The following NAV2 variants were observed in gnomAD, a reference collection of about 807,000 sequenced individuals.
NAV2 encodes the protein neuron navigator 2, also known as helicase, APC down-regulated 1.
In NAV2, 54 loss-of-function variants were observed where a neutral mutation model predicts 223.2. That is an observed-to-expected ratio of 0.24 (90% CI 0.19 to 0.30). The LOEUF (loss-of-function observed/expected upper bound fraction) is 0.30. Among genes scored for constraint, NAV2 ranks in the 10% least tolerant of loss-of-function variants. NAV2 has a pLI of 1.00. For synonymous variants in NAV2, 1,279 were observed against 1,239.3 expected (o/e 1.03, Z -0.67); for missense variants, 2,806 against 3,147.5 (o/e 0.89, Z 2.60).
chr11:19,932,318 C>G (rs2045448454), intron 6 of NAV2, among the ~76,000 whole-genome samples: 1 of 141,432 alleles, frequency 7.1e-6, no homozygotes, highest in Admixed American at 7.1e-5. Context: ...ATGTTTGCAA[C>G]GTGTTTTGGT....
At chr11:19,810,948 A>G (rs1256832989) in intron 1 of NAV2, among the ~76,000 whole-genome samples, 6 of 151,896 alleles carry the variant, frequency 4.0e-5, no homozygotes, top group Non-Finnish European at 5.9e-5. Flanking sequence ...ATATCTGTCA[A>G]CTCCCTCAAG....
intron 19 of NAV2, 135 bp downstream of exon 19, chr11:20,056,092 C>T: frequency 1.3e-6 from 1 of 770,878 alleles, no homozygotes; most frequent in East Asian, 2.7e-5. Flanking sequence ...CCTCTCCCAC[C>T]TACTCTGGGG....
chr11:19,887,368 G>T (rs1026335990), intron 5 of NAV2, among the ~76,000 whole-genome samples: 6 of 151,962 alleles, frequency 3.9e-5, no homozygotes, highest in African/African-American at 1.2e-4. Context: ...TATTTTACCT[G>T]CAGGAAGCAG....
chr11:19,888,661 C>T (rs1219652051), intron 5 of NAV2, among the ~76,000 whole-genome samples: 1 of 152,102 alleles, frequency 6.6e-6, no homozygotes, highest in Admixed American at 6.5e-5. Context: ...CAAAGTCTTC[C>T]CTTCCCTGCC....
At chr11:20,056,502 A>ATTTT in intron 19 of NAV2, 1 of 1,521,494 alleles carries the variant, frequency 6.6e-7, no homozygotes, top group Non-Finnish European at 9.1e-7. Context: ...TTGGGGTTGG[A>ATTTT]TTTTTATGTT....
At chr11:19,568,906 T>A (rs1230102418) in intron 1 of NAV2, among the ~76,000 whole-genome samples, 1 of 152,130 alleles carries the variant, frequency 6.6e-6, no homozygotes, top group East Asian at 1.9e-4. Context: ...CTGCCCTGGG[T>A]CTCCTACGCA....
At chr11:19,521,502 T>A (rs1269540552) in intron 1 of NAV2, among the ~76,000 whole-genome samples, 1 of 152,174 alleles carries the variant, frequency 6.6e-6, no homozygotes, top group East Asian at 1.9e-4. Flanking sequence ...CAATAAAGGA[T>A]CCAGTTATCG....
At chr11:20,103,789 C>A in intron 34 of NAV2, 65 bp downstream of exon 34, 4 of 1,430,742 alleles carry the variant, frequency 2.8e-6, no homozygotes, top group South Asian at 2.3e-5. Flanking sequence ...CAAGAAGGGG[C>A]GGGTAGAGAT....
rs1209902577 is a variant in NAV2, at chr11:20,071,895, G to A, written c.4983+3497G>A. ...AAAATTTTCTTCAATGTTGTAGGTT[G>A]CCTGTTCACTCTGATGAAGTTTCTT... On this transcript the variant is annotated intron_variant, in intron 22 of 37. Transcript: ENST00000349880. Among the ~76,000 whole-genome samples the A allele has an allele frequency of 3.3e-5, 5 of 152,170 alleles. No homozygotes were observed. In the East Asian group the frequency reaches 9.6e-4, roughly 29 times the overall value.
intron 26 of NAV2, 25 bp from the exon 27 acceptor site, chr11:20,090,840 A>G (rs2060792460): frequency 6.2e-7 from 1 of 1,611,612 alleles, no homozygotes; most frequent in African/African-American, 1.3e-5. Context: ...AGCTGCTTTC[A>G]TCAGTAACAT....
chr11:19,860,316 G>C (rs1194953117), intron 3 of NAV2, among the ~76,000 whole-genome samples: 3 of 140,180 alleles, frequency 2.1e-5, no homozygotes, highest in Non-Finnish European at 4.6e-5. Context: ...TTCTCAGACA[G>C]GGCGGTTGCC....
At chr11:19,345,908 G>A (rs964462723), upstream of NAV2, among the ~76,000 whole-genome samples, 1 of 152,144 alleles carries the variant, frequency 6.6e-6, no homozygotes, top group Admixed American at 6.5e-5. This position sits in a 1 kb window ranked among gnomAD's most constrained non-coding sequence, Gnocchi z 5.2. Context: ...GTGTATCCCC[G>A]CGTCTGGGTC....
At chr11:19,879,269 A>G (rs1591033504) in intron 4 of NAV2, among the ~76,000 whole-genome samples, 1 of 152,160 alleles carries the variant, frequency 6.6e-6, no homozygotes, top group African/African-American at 2.4e-5. Context: ...ACTCTGTTCT[A>G]ATTTCTTTTA....
chr11:19,862,201 T>TA (rs879323419), intron 3 of NAV2, among the ~76,000 whole-genome samples: 11 of 152,246 alleles, frequency 7.2e-5, no homozygotes, highest in Non-Finnish European at 1.3e-4. Context: ...GAGAAACTCT[T>TA]AAAAAGTTTT....
intron 7 of NAV2, among the ~76,000 whole-genome samples, chr11:19,935,864 T>TTTTTTTTTTTGTTG (rs1555156834): frequency 9.9e-6 from 1 of 101,154 alleles, no homozygotes; most frequent in African/African-American, 3.5e-5. Flanking sequence ...TTTTTTTTTT[T>TTTTTTTTTTTGTTG]TTTTTTTTTT....
chr11:19,688,321 C>G (rs1408994759), intron 1 of NAV2, among the ~76,000 whole-genome samples: 1 of 152,122 alleles, frequency 6.6e-6, no homozygotes, highest in Non-Finnish European at 1.5e-5. Context: ...CTGAGCTAAA[C>G]CTTGACCTGT....
At chr11:19,635,422 T>C (rs2047467432) in intron 1 of NAV2, among the ~76,000 whole-genome samples, 1 of 152,182 alleles carries the variant, frequency 6.6e-6, no homozygotes, top group Non-Finnish European at 1.5e-5. Flanking sequence ...ATGTAGGCTG[T>C]CTTAGTCAGT....
intron 1 of NAV2, among the ~76,000 whole-genome samples, chr11:19,580,189 C>T (rs1343498435): frequency 2.0e-5 from 3 of 152,088 alleles, no homozygotes; most frequent in Admixed American, 6.6e-5. Flanking sequence ...TGTGCCTGTA[C>T]CCTCGGAGAG....
At chr11:19,546,914 T>A (rs1437045883) in intron 1 of NAV2, among the ~76,000 whole-genome samples, 1 of 152,184 alleles carries the variant, frequency 6.6e-6, no homozygotes, top group Non-Finnish European at 1.5e-5. Flanking sequence ...GTCTCATTTT[T>A]TACATCAGGG....
Sources: allele counts gnomAD v4.1 joint callset (sites outside exome capture counted in the v4.1 genomes callset), GRCh38; gene constraint gnomAD v4.1.1; non-coding constraint Gnocchi (gnomAD v3.1); transcripts MANE v1.5; gene names NCBI Gene and HGNC (gene_info 2026-07-23, HGNC 2026-07-21).